The following ARAP2 variants were observed in gnomAD, a reference collection of about 807,000 sequenced individuals.
The protein encoded by ARAP2 is ArfGAP with RhoGAP domain, ankyrin repeat and PH domain 2, also known as arf-GAP with Rho-GAP domain, ANK repeat and PH domain-containing protein 2.
Under a neutral mutation model 194.5 loss-of-function variants are expected in ARAP2, and 148 were observed. That is an observed-to-expected ratio of 0.76 (90% CI 0.67 to 0.87). The LOEUF (loss-of-function observed/expected upper bound fraction) is 0.87. Ranked by LOEUF, ARAP2 falls within the 40% of genes least tolerant of loss-of-function variation. ARAP2 has a pLI of 0.00. For missense variants in ARAP2, 2,128 were observed against 1,989.7 expected, an observed-to-expected ratio of 1.07 and a Z score of -1.32; for synonymous variants, 695 against 683.5, an observed-to-expected ratio of 1.02 and a Z score of -0.26.
intron 19 of ARAP2, among the ~76,000 whole-genome samples, chr4:36,142,226 T>C (rs1037186454): frequency 2.6e-5 from 4 of 151,712 alleles, no homozygotes; most frequent in African/African-American, 9.7e-5. Flanking sequence ...TCCAAAATCA[T>C]CCATCAATTC....
At chr4:36,122,173 T>G (rs1722825837) in intron 22 of ARAP2, among the ~76,000 whole-genome samples, 1 of 151,408 alleles carries the variant, frequency 6.6e-6, no homozygotes, top group Non-Finnish European at 1.5e-5. Flanking sequence ...TTACTGGGAG[T>G]GTAAATTAGT....
chr4:36,209,393 G>A, intron 6 of ARAP2: 1 of 452,690 alleles, frequency 2.2e-6, no homozygotes, highest in Non-Finnish European at 4.4e-6. Flanking sequence ...AATCTGCTTT[G>A]GTTTATTCAA....
At chr4:36,244,004 T>G (rs1037971849) in intron 1 of ARAP2, 175 bp downstream of exon 1, 5 of 152,224 alleles carry the variant, frequency 3.3e-5, no homozygotes, top group African/African-American at 9.6e-5. Context: ...CTGGTTTCCT[T>G]TCAGACGCCC....
intron 1 of ARAP2, among the ~76,000 whole-genome samples, chr4:36,242,759 G>A (rs1753760249): frequency 6.6e-6 from 1 of 152,080 alleles, no homozygotes; most frequent in Admixed American, 6.5e-5. Flanking sequence ...AAATCTGACA[G>A]GTTTACAGAC....
intron 2 of ARAP2, among the ~76,000 whole-genome samples, chr4:36,218,757 T>A (rs1379705519): frequency 2.0e-5 from 3 of 152,066 alleles, no homozygotes; most frequent in African/African-American, 4.8e-5. Context: ...CATTAAAAAG[T>A]CACAATTAAG....
intron 5 of ARAP2, among the ~76,000 whole-genome samples, chr4:36,030,892 G>A (rs543027239): frequency 1.3e-5 from 2 of 151,136 alleles, no homozygotes; most frequent in South Asian, 4.2e-4. Flanking sequence ...AGCACTTTGG[G>A]AGGCCTAGTC....
At chr4:36,141,174 G>C (rs1052792889) in intron 19 of ARAP2, among the ~76,000 whole-genome samples, 1 of 151,556 alleles carries the variant, frequency 6.6e-6, no homozygotes, top group Admixed American at 6.6e-5. Context: ...CTACCGTCCA[G>C]GAAAATGCCT....
At chr4:36,031,815 C>T (rs1194747769) in intron 5 of ARAP2, among the ~76,000 whole-genome samples, 1 of 151,912 alleles carries the variant, frequency 6.6e-6, no homozygotes, top group African/African-American at 2.4e-5. Flanking sequence ...ATTACAGGCG[C>T]CCGCCACCAC....
At chr4:36,172,052 G>C (rs528187760) in intron 9 of ARAP2, among the ~76,000 whole-genome samples, 1 of 152,292 alleles carries the variant, frequency 6.6e-6, no homozygotes, top group African/African-American at 2.4e-5. Flanking sequence ...TCAGTGGGTA[G>C]AGTTATAGTA....
At chr4:36,070,616 G>A (rs903806876) in intron 32 of ARAP2, among the ~76,000 whole-genome samples, 2 of 152,138 alleles carry the variant, frequency 1.3e-5, no homozygotes, top group African/African-American at 2.4e-5. Context: ...TTTAGCCTGG[G>A]CCTTCATATT....
chr4:36,065,551 G>C (rs78358564), downstream of ARAP2: 2,804 of 238,114 alleles, frequency 0.012, 20 homozygotes, highest in Non-Finnish European at 0.02. Flanking sequence ...CAGCTCATGG[G>C]CCTCACCAGT....
chr4:36,195,893 T>C (rs1296184818), intron 6 of ARAP2, among the ~76,000 whole-genome samples: 2 of 152,228 alleles, frequency 1.3e-5, no homozygotes, highest in East Asian at 3.8e-4. Flanking sequence ...ACAATGTTTA[T>C]TTCCTTCTGT....
rs146551451 is a variant in ARAP2 at position 36,124,951 on chromosome 4, C to T, written c.3657G>A (p.Lys1219=). ...ATGCTCCATATTTTTTAATTCTTTC[C>T]TTGTCATCTTGCGTATCTGAAGGGG... is the stretch of plus-strand genomic sequence containing the variant. ...WISALDTQDD[K]ERIKKYGAFI... The change falls in exon 22 of 33, where the codon AAG becomes AAA. Residue 1219 remains lysine, a synonymous_variant. Coordinates refer to ENST00000303965, the MANE Select transcript of ARAP2 (RefSeq NM_015230.4). 1.1e-4 allele frequency: 183 copies of T among 1,607,306 alleles called. No homozygotes were observed. The highest frequency in any genetic ancestry group is 1.5e-4 in the Non-Finnish European group (171 of 1,175,802).
intron 2 of ARAP2, among the ~76,000 whole-genome samples, chr4:36,055,347 T>C (rs1403884193): frequency 6.6e-6 from 1 of 152,208 alleles, no homozygotes; most frequent in Non-Finnish European, 1.5e-5. Context: ...ATTCATGAGA[T>C]GGAGTAAAAC....
chr4:36,211,122 C>T (rs1237000907), intron 5 of ARAP2, among the ~76,000 whole-genome samples: 3 of 152,096 alleles, frequency 2.0e-5, no homozygotes, highest in African/African-American at 7.2e-5. Context: ...GGACCATTAA[C>T]TCATCTATAT....
At chr4:36,040,455 T>C (rs891729706) in intron 5 of ARAP2, among the ~76,000 whole-genome samples, 1 of 152,214 alleles carries the variant, frequency 6.6e-6, no homozygotes, top group Admixed American at 6.5e-5. Context: ...TTAATGATAT[T>C]GATTCTTTCT....
intron 6 of ARAP2, among the ~76,000 whole-genome samples, chr4:36,196,033 G>T (rs1188066350): frequency 6.6e-6 from 1 of 152,196 alleles, no homozygotes; most frequent in Non-Finnish European, 1.5e-5. Context: ...AAACTCAAAT[G>T]ATCAGCACTC....
chr4:36,233,014 G>A (rs757076596), intron 1 of ARAP2, among the ~76,000 whole-genome samples: 6 of 152,134 alleles, frequency 3.9e-5, no homozygotes, highest in Admixed American at 6.5e-5. Context: ...CACTCAACAT[G>A]CTGAATATGG....
intron 9 of ARAP2, among the ~76,000 whole-genome samples, chr4:36,009,195 G>T (rs1263871061): frequency 2.0e-5 from 3 of 152,034 alleles, no homozygotes; most frequent in Non-Finnish European, 4.4e-5. Context: ...TCATTACTGA[G>T]TATATACTCA....
Sources: gnomAD v4.1 joint callset for allele counts (sites outside exome capture counted in the v4.1 genomes callset) on GRCh38, gnomAD v4.1.1 for gene constraint, MANE v1.5 for transcripts, NCBI Gene and HGNC (gene_info 2026-07-23, HGNC 2026-07-21) for gene names.